The following MS4A13 variants were observed in gnomAD, a reference collection of about 807,000 sequenced individuals.
The protein encoded by MS4A13 is membrane-spanning 4-domains subfamily A member 13.
In MS4A13, 21 loss-of-function variants were observed where a neutral mutation model predicts 18.4. That is an observed-to-expected ratio of 1.14 (90% CI 0.81 to 1.64). The LOEUF (loss-of-function observed/expected upper bound fraction) is 1.64. MS4A13 is among the 40% of genes most tolerant of loss of function. The pLI is 0.00. For missense variants in MS4A13, 173 were observed against 176.8 expected, an observed-to-expected ratio of 0.98 and a Z score of 0.12; for synonymous variants, 62 against 57.2, an observed-to-expected ratio of 1.08 and a Z score of -0.38.
At chr11:60,524,883 A>C (rs969589142) in intron 4 of MS4A13, among the ~76,000 whole-genome samples, 4 of 151,964 alleles carry the variant, frequency 2.6e-5, no homozygotes, top group African/African-American at 4.8e-5. Flanking sequence ...GATGGTCTCG[A>C]TCTCCTGACC....
chr11:60,527,362 G>GTCTCTCTCTCTC (rs1313348420), intron 5 of MS4A13, among the ~76,000 whole-genome samples: 4 of 62,594 alleles, frequency 6.4e-5, no homozygotes, highest in African/African-American at 2.9e-4. Context: ...CATTCATTCC[G>GTCTCTCTCTCTC]TCTCTCTCTC....
In MS4A13 at chr11:60,535,551, G is replaced by C. The variant is rs1221954140; in HGVS notation, c.402+6091G>C. ...TAATCAATAGTTTACCAACCAAAAA[G>C]AGTCCAGGACCAGATGGATTCACAG... On this transcript the variant is annotated intron_variant, in intron 6 of 6. Coordinates refer to ENST00000378186, the MANE Select transcript of MS4A13 (RefSeq NM_001012417.3). Among the ~76,000 whole-genome samples the C allele has an allele frequency of 2.7e-5, 3 of 109,954 alleles. No homozygotes were observed. In the South Asian group the frequency reaches 1.1e-3, roughly 39 times the overall value. The allele number at this position is 109,954 out of a possible 152,430, so 72.1% of individuals were successfully genotyped here.
At chr11:60,535,509 C>A (rs1292089453) in intron 6 of MS4A13, among the ~76,000 whole-genome samples, 59 of 133,802 alleles carry the variant, frequency 4.4e-4, no homozygotes, top group African/African-American at 1.5e-3. Flanking sequence ...CAATAACAGG[C>A]TCTGAAATTG....
rs144709811 is a variant in MS4A13, at chr11:60,542,541, C to T, written c.425C>T (p.Thr142Ile). Residue 142 changes from threonine to isoleucine, a missense_variant, in exon 7 of 7, where the codon ACA becomes ATA. By Grantham distance (89) the Thr-to-Ile change is moderately conservative (BLOSUM62 -1). Transcript: ENST00000378186. ...CAGTTTCGAAGACAAAATGATCTTA[C>T]ATCTGTTACTGAGGAAGCTGAGAGC... ...SNLFRRQNDLTSVTEEAESTP is the reference protein window; with the variant it reads ...SNLFRRQNDLISVTEEAESTP 336 of 1,610,256 alleles carry T rather than the reference C, an allele frequency of 2.1e-4. No homozygotes were observed. Among genetic ancestry groups the T allele is most frequent in the Non-Finnish European group, 2.6e-4 (310 of 1,177,986 alleles).
intron 5 of MS4A13, among the ~76,000 whole-genome samples, 165 bp downstream of exon 5, chr11:60,525,491 G>GT (rs2086707705): frequency 6.6e-6 from 1 of 152,190 alleles, no homozygotes; most frequent in Non-Finnish European, 1.5e-5. Flanking sequence ...ATTCTAGGCT[G>GT]TGAGTTTTAG....
intron 4 of MS4A13, among the ~76,000 whole-genome samples, chr11:60,524,502 A>G (rs1486498202): frequency 1.3e-5 from 2 of 152,184 alleles, no homozygotes; most frequent in African/African-American, 4.8e-5. Flanking sequence ...AGATTTCCTT[A>G]GATAATGAAA....
chr11:60,532,613 G>A (rs542168770), intron 6 of MS4A13, among the ~76,000 whole-genome samples: 5 of 152,078 alleles, frequency 3.3e-5, no homozygotes, highest in Middle Eastern at 3.2e-3. Flanking sequence ...CCGCCATTGC[G>A]CAGGCTTGCT....
intron 6 of MS4A13, among the ~76,000 whole-genome samples, chr11:60,541,549 C>T (rs972275706): frequency 1.3e-5 from 2 of 152,030 alleles, no homozygotes; most frequent in East Asian, 1.9e-4. Context: ...AAGTTTGAAA[C>T]CAGGTAAAAC....
In MS4A13 at chr11:60,515,443, C is replaced by G. The variant is rs1377114133; in HGVS notation, c.-293C>G. 1 of 152,368 alleles carries G rather than the reference C, an allele frequency of 6.6e-6. No homozygotes were observed. The highest frequency in any genetic ancestry group is 1.9e-4 in the East Asian group (1 of 5,204). The allele number at this position is 152,368 out of a possible 1,614,324, so 9.4% of individuals were successfully genotyped here. A position where few individuals can be genotyped will look rare whatever the true frequency, so the allele number is the denominator to read the frequency against. On this transcript the variant is annotated 5_prime_UTR_variant, in exon 1 of 7. It adds an upstream start codon to the 5' untranslated region. Transcript: ENST00000378186. ...GGCCGGGTGCTGGGCTCCTGGCTAT[C>G]CCTGTGATGGTAGCTCAGCGAGATC...
intron 4 of MS4A13, among the ~76,000 whole-genome samples, chr11:60,524,647 T>C (rs2086700174): frequency 6.8e-6 from 1 of 146,532 alleles, no homozygotes; most frequent in Non-Finnish European, 1.5e-5. Context: ...ACCTATAACA[T>C]TGAAAAACAC....
intron 6 of MS4A13, among the ~76,000 whole-genome samples, chr11:60,529,760 C>G (rs1174229446): frequency 6.6e-6 from 1 of 152,150 alleles, no homozygotes; most frequent in Non-Finnish European, 1.5e-5. Context: ...CACACACATT[C>G]TCTTTACTAA....
At chr11:60,524,852 G>T (rs1438688044) in intron 4 of MS4A13, among the ~76,000 whole-genome samples, 1 of 151,844 alleles carries the variant, frequency 6.6e-6, no homozygotes, top group Non-Finnish European at 1.5e-5. Flanking sequence ...ACTAGAGATG[G>T]GGTTTCACCG....
Position 60,523,891 on chromosome 11 carries a change from A to G in MS4A13, c.130-6A>G, listed in dbSNP as rs1169307046. 1.4e-6 allele frequency: 2 copies of G among 1,445,692 alleles called. No homozygotes were observed. The highest frequency in any genetic ancestry group is 1.9e-6 in the Non-Finnish European group (2 of 1,029,518). The allele number at this position is 1,445,692 out of a possible 1,614,324, so 89.6% of individuals were successfully genotyped here. A position where few individuals can be genotyped will look rare whatever the true frequency, so the allele number is the denominator to read the frequency against. ...TGAGTATTTATAAATATGTTTTTATATCCAGTTTATCATTGCAGGAGTCTT... is the reference window on the plus strand; with the variant it reads ...TGAGTATTTATAAATATGTTTTTATGTCCAGTTTATCATTGCAGGAGTCTT... On this transcript the variant is annotated splice_polypyrimidine_tract_variant and splice_region_variant and intron_variant, in intron 3 of 6. Coordinates refer to ENST00000378186, the MANE Select transcript of MS4A13 (RefSeq NM_001012417.3).
chr11:60,540,790 G>A (rs1036151949), intron 6 of MS4A13, among the ~76,000 whole-genome samples: 4 of 151,786 alleles, frequency 2.6e-5, no homozygotes, highest in African/African-American at 7.3e-5. Flanking sequence ...CTACAAAAAA[G>A]TAAAAATAAA....
intron 6 of MS4A13, among the ~76,000 whole-genome samples, chr11:60,541,295 C>T (rs564753474): frequency 1.1e-4 from 16 of 152,294 alleles, no homozygotes; most frequent in African/African-American, 3.6e-4. Flanking sequence ...AATGTTTGCG[C>T]TTATGCATTA....
intron 6 of MS4A13, among the ~76,000 whole-genome samples, chr11:60,529,744 C>T (rs571433119): frequency 3.9e-5 from 6 of 152,178 alleles, no homozygotes; most frequent in Admixed American, 6.5e-5. Flanking sequence ...CAAAAAAAGA[C>T]GAATACACAC....
At chr11:60,541,685 T>C (rs2135275031) in intron 6 of MS4A13, among the ~76,000 whole-genome samples, 1 of 152,250 alleles carries the variant, frequency 6.6e-6, no homozygotes, top group East Asian at 1.9e-4. Flanking sequence ...TTGAGAAATG[T>C]CATGAGAGGC....
At chr11:60,522,704 G>A (rs907441520) in intron 3 of MS4A13, among the ~76,000 whole-genome samples, 2 of 152,004 alleles carry the variant, frequency 1.3e-5, no homozygotes, top group Non-Finnish European at 2.9e-5. Context: ...AATGATACAT[G>A]GTTCATAAAA....
intron 6 of MS4A13, among the ~76,000 whole-genome samples, chr11:60,541,526 A>G (rs2086858899): frequency 6.6e-6 from 1 of 152,244 alleles, no homozygotes; most frequent in African/African-American, 2.4e-5. Context: ...TTGTAAAAAA[A>G]TCCATTCATA....
Sources: gnomAD v4.1 joint callset for allele counts (sites outside exome capture counted in the v4.1 genomes callset) on GRCh38, gnomAD v4.1.1 for gene constraint, MANE v1.5 for transcripts, NCBI Gene and HGNC (gene_info 2026-07-23, HGNC 2026-07-21) for gene names.